Variants in KBTBD4 observed in about 807,000 individuals in gnomAD.
KBTBD4 encodes kelch repeat and BTB domain containing 4.
Under a neutral mutation model 43.9 loss-of-function variants are expected in KBTBD4, and 30 were observed. That is an observed-to-expected ratio of 0.68 (90% CI 0.51 to 0.93). The LOEUF (loss-of-function observed/expected upper bound fraction) is 0.93, where lower values mean the gene tolerates loss of function less well. KBTBD4 is among the 40% of genes least tolerant of loss of function. The probability of loss-of-function intolerance (pLI) is 0.00; values close to 1 mark genes in which losing one functional copy is unlikely to be tolerated. For missense variants in KBTBD4, 575 were observed against 668.8 expected (o/e 0.86, Z 1.55); for synonymous variants, 258 against 256.9 (o/e 1.00, Z -0.04).
At chr11:47,577,256 T>G in intron 2 of KBTBD4, 155 bp downstream of exon 2, 3 of 770,642 alleles carry the variant, frequency 3.9e-6, no homozygotes, top group Non-Finnish European at 6.1e-6. Context: ...GAATCTCACC[T>G]CAATCTTTCT....
intron 3 of KBTBD4, among the ~76,000 whole-genome samples, chr11:47,574,626 G>T (rs2097255783): frequency 6.7e-6 from 1 of 150,336 alleles, no homozygotes; most frequent in Non-Finnish European, 1.5e-5. Context: ...AGGCCAAGGT[G>T]GGTGGATCAC....
At chr11:47,576,158 C>CTT (rs11345162) in intron 2 of KBTBD4, among the ~76,000 whole-genome samples, 18 of 49,126 alleles carry the variant, frequency 3.7e-4, no homozygotes, top group South Asian at 1.1e-3. Flanking sequence ...GCGGGTCTTG[C>CTT]TTTTTTTTTT....
Position 47,573,447 on chromosome 11 carries a change from G to A in KBTBD4, c.1088C>T (p.Ala363Val), listed in dbSNP as rs767471949. 6.2e-7 allele frequency: 1 copy of A among 1,614,198 alleles called. No individual in the cohort carries two copies. Among genetic ancestry groups the A allele is most frequent in the East Asian group, 2.2e-5 (1 of 44,884 alleles). ...GKTLQDTLSN[A>V]VIYYRVGDNV... ...ATCACCTACGCGATAATAAATGACT[G>A]CGTTGGAGAGGGTATCTTGCAGTGT... The change falls in exon 4 of 4, where the codon GCA becomes GTA. Residue 363 changes from alanine (A) to valine (V), a missense_variant. Transcript: ENST00000430070. The surrounding 1 kb of genome is among the most constrained non-coding windows in gnomAD (Gnocchi z 4.1).
In KBTBD4 at chr11:47,572,839, A is replaced by G; in HGVS notation, c.*91T>C. The G allele has an allele frequency of 1.4e-6, 2 of 1,429,630 alleles. No homozygotes were observed. Among genetic ancestry groups the G allele is most frequent in the Non-Finnish European group, 1.9e-6 (2 of 1,056,892 alleles). 88.6% of individuals were successfully genotyped at this position (1,429,630 alleles called of 1,614,324 possible). ...CACTGCCTTTCTAGTATGTGCCAAAAAAAACATAACTCTGAATTGGGGCCC... is the reference window on the plus strand; with the variant it reads ...CACTGCCTTTCTAGTATGTGCCAAAGAAAACATAACTCTGAATTGGGGCCC... On this transcript the variant is annotated 3_prime_UTR_variant, in exon 4 of 4. Transcript: ENST00000430070.
In KBTBD4 at chr11:47,573,285, T is replaced by C; in HGVS notation, c.1250A>G (p.Gln417Arg). 6.2e-7 allele frequency: 1 copy of C among 1,614,192 alleles called. No individual in the cohort carries two copies. The highest frequency in any genetic ancestry group is 8.5e-7 in the Non-Finnish European group (1 of 1,180,050). The change falls in exon 4 of 4, where the codon CAG becomes CGG. Residue 417 changes from glutamine to arginine, a missense_variant. Gln to Arg is a conservative substitution (Grantham distance 43). Transcript: ENST00000430070. This position sits in a 1 kb window ranked among gnomAD's most constrained non-coding sequence, Gnocchi z 4.1. ...DFFTKPSRLI[Q>R]CFDTETDKCH... ...TTTGTCTGTCTCTGTGTCAAAGCAC[T>C]GGATGAGTCGGGAAGGTTTGGTAAA... is the stretch of plus-strand genomic sequence containing the variant.
In KBTBD4 at chr11:47,572,771, G is replaced by A; in HGVS notation, c.*159C>T. ...CAGCTGAGCAGCAGCAGTCTAAAAA[G>A]CCCCAAACAGAACACCTCCATGGAT... is the stretch of plus-strand genomic sequence containing the variant. On this transcript the variant is annotated 3_prime_UTR_variant, in exon 4 of 4. Coordinates refer to ENST00000430070, the MANE Select transcript of KBTBD4 (RefSeq NM_018095.6). 1.3e-6 allele frequency: 1 copy of A among 745,254 alleles called. No individual in the cohort carries two copies. Among genetic ancestry groups the A allele is most frequent in the Non-Finnish European group, 2.1e-6 (1 of 466,634 alleles). The allele number at this position is 745,254 out of a possible 1,614,324, so 46.2% of individuals were successfully genotyped here. A position where few individuals can be genotyped will look rare whatever the true frequency, so the allele number is the denominator to read the frequency against.
chr11:47,575,757 A>G, intron 2 of KBTBD4, 58 bp from the exon 3 acceptor site: 1 of 1,162,876 alleles, frequency 8.6e-7, no homozygotes, highest in South Asian at 1.3e-5. Flanking sequence ...AATTCAGAGT[A>G]AGGGACTTTA....
In KBTBD4 at chr11:47,573,057, T is replaced by G; in HGVS notation, c.1478A>C (p.Tyr493Ser). Residue 493 changes from tyrosine to serine, a missense_variant, in exon 4 of 4, where the codon TAT becomes TCT. Physicochemically the swap from Tyr to Ser is moderately radical, Grantham distance 144 (BLOSUM62 -2). Coordinates refer to ENST00000430070, the MANE Select transcript of KBTBD4 (RefSeq NM_018095.6). This position sits in a 1 kb window ranked among gnomAD's most constrained non-coding sequence, Gnocchi z 4.1. Reference protein sequence around the residue: ...WKIASCNGSIYVFRDRYKKGD... With the variant: ...WKIASCNGSISVFRDRYKKGD... Reference sequence around the variant, plus strand: ...CTTTTTATATCGGTCCCGGAAGACATAGATGCTCCCGTTACAGCTGGCAAT... The same window carrying G: ...CTTTTTATATCGGTCCCGGAAGACAGAGATGCTCCCGTTACAGCTGGCAAT... 1 of 1,614,094 alleles carries G rather than the reference T, an allele frequency of 6.2e-7. No homozygotes were observed. Among genetic ancestry groups the G allele is most frequent in the South Asian group, 1.1e-5 (1 of 91,082 alleles).
Position 47,573,734 on chromosome 11 carries a change from G to T in KBTBD4, c.801C>A (p.His267Gln). The change falls in exon 4 of 4, where the codon CAC (histidine) becomes CAA (glutamine). Residue 267 changes from histidine (H) to glutamine (Q), a missense_variant. By Grantham distance (24) the His-to-Gln change is conservative. Transcript: ENST00000430070. The surrounding 1 kb of genome is among the most constrained non-coding windows in gnomAD (Gnocchi z 4.1). Reference protein sequence around the residue: ...YLIGKESSRTHSLAVSLHCAE... With the variant: ...YLIGKESSRTQSLAVSLHCAE... ...CACAGTGCAAGGACACAGCCAACGA[G>T]TGGGTACGAGATGACTCTTTCCCAA... The T allele has an allele frequency of 6.3e-7, 1 of 1,594,518 alleles. No homozygotes were observed.
chr11:47,578,538 T>TAG (rs2097264701), intron 1 of KBTBD4: 2 of 679,208 alleles, frequency 2.9e-6, no homozygotes, highest in African/African-American at 1.8e-5. Context: ...CCGTGGGTCT[T>TAG]ACATTTGCTC....
chr11:47,574,487 ACT>A (rs1466367233), intron 3 of KBTBD4, among the ~76,000 whole-genome samples: 4 of 152,018 alleles, frequency 2.6e-5, no homozygotes, highest in Admixed American at 6.6e-5. Flanking sequence ...ACGGAGTAAG[ACT>A]CTGTCTCAAA....
rs1311472358 is a variant in KBTBD4, at chr11:47,578,081, T to C, written c.20-53A>G. On this transcript the variant is annotated intron_variant, in intron 1 of 3. Coordinates refer to ENST00000430070, the MANE Select transcript of KBTBD4 (RefSeq NM_018095.6). ...CTGAGGAATTCACAGCCATAGTCTG[T>C]GAATCCAACTGTCCAACTCAGGGAG... 3.1e-6 allele frequency: 5 copies of C among 1,596,058 alleles called. No homozygotes were observed. The South Asian group carries it at 5.6e-5, about 18-fold the overall frequency.
chr11:47,573,214 C>T lies in KBTBD4; in HGVS notation c.1321G>A (p.Ala441Thr), dbSNP rs768943581. ...YVLPFAGRMH[A>T]AVHKDLVFIV... ...AACACCAGATCTTTATGCACAGCTG[C>T]GTGCATGCGGCCTGCAAAGGGCAGC... The change falls in exon 4 of 4, where the codon GCA (alanine) becomes ACA (threonine). Residue 441 changes from alanine (A) to threonine (T), a missense_variant. Transcript: ENST00000430070. This position sits in a 1 kb window ranked among gnomAD's most constrained non-coding sequence, Gnocchi z 4.1. 6.8e-6 allele frequency: 11 copies of T among 1,614,138 alleles called. No homozygotes were observed. The highest frequency in any genetic ancestry group is 2.2e-5 in the East Asian group (1 of 44,874).
In KBTBD4 at chr11:47,573,098, G is replaced by C; in HGVS notation, c.1437C>G (p.Ala479=). The C allele has an allele frequency of 2.5e-6, 4 of 1,614,194 alleles. No individual in the cohort carries two copies. Among genetic ancestry groups the C allele is most frequent in the African/African-American group, 1.3e-5 (1 of 75,044 alleles). ...AGCTGGCAATCTTCCAGAGGGATGG[G>C]GCAGAGCTCCAGGCCTCAGGAAGGC... The part of the protein sequence containing the change: ...RLCLPEAWSS[A]PSLWKIASCN... The change falls in exon 4 of 4, where the codon GCC becomes GCG. Residue 479 remains alanine (A), a synonymous_variant. Coordinates refer to ENST00000430070, the MANE Select transcript of KBTBD4 (RefSeq NM_018095.6). This position sits in a 1 kb window ranked among gnomAD's most constrained non-coding sequence, Gnocchi z 4.1.
chr11:47,576,796 C>T (rs1459828956), intron 2 of KBTBD4, among the ~76,000 whole-genome samples: 2 of 151,920 alleles, frequency 1.3e-5, no homozygotes, highest in African/African-American at 4.8e-5. Context: ...CTGCCTCAGC[C>T]TTCCCAAGTA....
chr11:47,578,784 T>A, intron 1 of KBTBD4, 149 bp downstream of exon 1: 1 of 1,529,254 alleles, frequency 6.5e-7, no homozygotes, highest in Non-Finnish European at 8.8e-7. Flanking sequence ...GGGAGGGGTG[T>A]GTAGCGTAGA....
rs777822290 is a variant in KBTBD4, at chr11:47,573,067, C to T, written c.1468G>A (p.Gly490Arg). 4 of 1,614,038 alleles carry T rather than the reference C, an allele frequency of 2.5e-6. No individual in the cohort carries two copies. Among genetic ancestry groups the T allele is most frequent in the Admixed American group, 1.7e-5 (1 of 59,998 alleles). The change falls in exon 4 of 4, where the codon GGG becomes AGG. Residue 490 changes from glycine to arginine, a missense_variant. Coordinates refer to ENST00000430070, the MANE Select transcript of KBTBD4 (RefSeq NM_018095.6). This position sits in a 1 kb window ranked among gnomAD's most constrained non-coding sequence, Gnocchi z 4.1. ...PSLWKIASCN[G>R]SIYVFRDRYK... ...CGGTCCCGGAAGACATAGATGCTCC[C>T]GTTACAGCTGGCAATCTTCCAGAGG...
chr11:47,573,033 T>C lies in KBTBD4; in HGVS notation c.1502A>G (p.Lys501Arg). The C allele has an allele frequency of 6.2e-7, 1 of 1,614,138 alleles. No individual in the cohort carries two copies. Among genetic ancestry groups the C allele is most frequent in the Non-Finnish European group, 8.5e-7 (1 of 1,180,014 alleles). Reference sequence around the variant, plus strand: ...AAGCTTGTAGGTGTTGGCATCCCCCTTTTTATATCGGTCCCGGAAGACATA... The same window carrying C: ...AAGCTTGTAGGTGTTGGCATCCCCCCTTTTATATCGGTCCCGGAAGACATA... Reference protein sequence around the residue: ...SIYVFRDRYKKGDANTYKLDP... With the variant: ...SIYVFRDRYKRGDANTYKLDP... The change falls in exon 4 of 4, where the codon AAG (lysine) becomes AGG (arginine). Residue 501 changes from lysine (K) to arginine (R), a missense_variant. Transcript: ENST00000430070. This position sits in a 1 kb window ranked among gnomAD's most constrained non-coding sequence, Gnocchi z 4.1.
intron 2 of KBTBD4, 93 bp downstream of exon 2, chr11:47,577,318 G>A (rs1482923677): frequency 8.0e-7 from 1 of 1,256,540 alleles, no homozygotes; most frequent in Non-Finnish European, 1.1e-6. Context: ...ACTAACACCA[G>A]GAAGCTTGAG....
Sources: allele counts gnomAD v4.1 joint callset (sites outside exome capture counted in the v4.1 genomes callset), GRCh38; gene constraint gnomAD v4.1.1; non-coding constraint Gnocchi (gnomAD v3.1); transcripts MANE v1.5; gene names NCBI Gene and HGNC (gene_info 2026-07-23, HGNC 2026-07-21).